CWC15: variants seen among roughly 807,000 people sequenced by gnomAD.
CWC15 encodes the protein spliceosome-associated protein CWC15 homolog.
A neutral mutation model predicts 28.4 loss-of-function variants in CWC15; 12 were observed. That is an observed-to-expected ratio of 0.42 (90% CI 0.27 to 0.69). The LOEUF (loss-of-function observed/expected upper bound fraction) is 0.69. Among genes scored for constraint, CWC15 ranks in the 30% least tolerant of loss-of-function variants. The probability of loss-of-function intolerance (pLI) is 0.23; values close to 1 mark genes in which losing one functional copy is unlikely to be tolerated. For synonymous variants in CWC15, 92 were observed against 88.4 expected, an observed-to-expected ratio of 1.04 and a Z score of -0.23; for missense variants, 192 against 271.5, an observed-to-expected ratio of 0.71 and a Z score of 2.06.
intron 5 of CWC15, among the ~76,000 whole-genome samples, chr11:94,969,336 C>T (rs1275569916): frequency 6.6e-6 from 1 of 152,046 alleles, no homozygotes; most frequent in Non-Finnish European, 1.5e-5. Context: ...TTCTAAAATG[C>T]GTATCCAGTT....
intron 5 of CWC15, among the ~76,000 whole-genome samples, 168 bp downstream of exon 5, chr11:94,969,821 A>G (rs1857694186): frequency 6.6e-6 from 1 of 152,228 alleles, no homozygotes; most frequent in Non-Finnish European, 1.5e-5. Context: ...CATAACCAGG[A>G]TACCTAGGAT....
At chr11:94,972,802 T>A (rs1439593464) in intron 1 of CWC15, among the ~76,000 whole-genome samples, 3 of 152,124 alleles carry the variant, frequency 2.0e-5, no homozygotes, top group African/African-American at 7.2e-5. Flanking sequence ...GAGCCAATTT[T>A]CTCCTACAAC....
intron 6 of CWC15, among the ~76,000 whole-genome samples, chr11:94,964,939 A>G (rs1258557863): frequency 6.6e-6 from 1 of 152,268 alleles, no homozygotes; most frequent in African/African-American, 2.4e-5. Flanking sequence ...ATCTGAGCTG[A>G]TAACTTCCAA....
chr11:94,972,318 C>G (rs1361587344), intron 1 of CWC15, 125 bp from the exon 2 acceptor site: 2 of 940,558 alleles, frequency 2.1e-6, no homozygotes, highest in Non-Finnish European at 3.1e-6. Flanking sequence ...GCTTAATCTT[C>G]TTAAACAAAA....
At chr11:94,966,504 T>G in intron 5 of CWC15, 91 bp from the exon 6 acceptor site, 1 of 748,782 alleles carries the variant, frequency 1.3e-6, no homozygotes, top group Non-Finnish European at 2.1e-6. Flanking sequence ...AAAACAAAAC[T>G]GATCATTAGG....
At chr11:94,969,745 A>G (rs1366673304) in intron 5 of CWC15, among the ~76,000 whole-genome samples, 1 of 152,234 alleles carries the variant, frequency 6.6e-6, no homozygotes, top group Admixed American at 6.5e-5. Context: ...TGAATAAACA[A>G]GTAAATGACT....
At chr11:94,970,861 G>T in intron 4 of CWC15, 116 bp downstream of exon 4, 1 of 870,362 alleles carries the variant, frequency 1.1e-6, no homozygotes, top group Non-Finnish European at 1.9e-6. Flanking sequence ...GGCTATATTT[G>T]AATAACAGTA....
At chr11:94,971,221 TTTG>T in intron 3 of CWC15, 151 bp downstream of exon 3, 1 of 932,200 alleles carries the variant, frequency 1.1e-6, no homozygotes, top group South Asian at 1.5e-5. Context: ...TTGGTAAATA[TTTG>T]TTGTTATTAT....
intron 4 of CWC15, chr11:94,970,297 CATT>C (rs1219112829): frequency 7.4e-6 from 3 of 405,164 alleles, no homozygotes; most frequent in African/African-American, 6.2e-5. Flanking sequence ...AATGAATAAT[CATT>C]AAATTTCAGT....
intron 5 of CWC15, among the ~76,000 whole-genome samples, chr11:94,968,244 G>A (rs889560280): frequency 1.3e-5 from 2 of 152,182 alleles, no homozygotes; most frequent in African/African-American, 2.4e-5. Flanking sequence ...TGACCAGCCA[G>A]CCTAAAATAT....
At chr11:94,970,247 G>T in intron 4 of CWC15, 151 bp from the exon 5 acceptor site, 1 of 411,992 alleles carries the variant, frequency 2.4e-6, no homozygotes, top group Non-Finnish European at 4.3e-6. Flanking sequence ...ACTCAAAAGT[G>T]CAAAAAAGTG....
rs1319567424 is a variant in CWC15 at position 94,966,285 on chromosome 11, T to C, written c.560+10A>G. 6.4e-6 allele frequency: 9 copies of C among 1,406,250 alleles called. No individual in the cohort carries two copies. Among genetic ancestry groups the C allele is most frequent in the Non-Finnish European group, 8.9e-6 (9 of 1,014,970 alleles). The allele number at this position is 1,406,250 out of a possible 1,614,324, so 87.1% of individuals were successfully genotyped here. A position where few individuals can be genotyped will look rare whatever the true frequency, so the allele number is the denominator to read the frequency against. ...CACACACACTCCATTACTCCGTTAC[T>C]GTATAGTACCTTCTTTTAACTTTGA... On this transcript the variant is annotated intron_variant, in intron 6 of 6. Coordinates refer to ENST00000279839, the MANE Select transcript of CWC15 (RefSeq NM_016403.4).
At chr11:94,963,825 TAGAA>T (rs782152252) in intron 6 of CWC15, among the ~76,000 whole-genome samples, 9 of 152,160 alleles carry the variant, frequency 5.9e-5, no homozygotes, top group Non-Finnish European at 1.2e-4. Context: ...TTAGGTCTAA[TAGAA>T]AGAAGCAGCA....
chr11:94,973,008 C>G (rs587636287), intron 1 of CWC15, among the ~76,000 whole-genome samples: 93 of 118,342 alleles, frequency 7.9e-4, no homozygotes, highest in African/African-American at 3.0e-3. Context: ...GTCGGAAAAG[C>G]AAGTGTGTGG....
chr11:94,963,324 TAAAA>T lies in CWC15; in HGVS notation c.*57_*60del, dbSNP rs36022887. On this transcript the variant is annotated 3_prime_UTR_variant, in exon 7 of 7. Transcript: ENST00000279839. Reference sequence around the variant, plus strand: ...CAGGGGAAAAGAAAAAAAAAACTCATAAAAAAAGTCAGAATGATCCTTTACGTTT... The same window carrying T: ...CAGGGGAAAAGAAAAAAAAAACTCATAAAGTCAGAATGATCCTTTACGTTT... 2.2e-5 allele frequency: 29 copies of T among 1,341,436 alleles called. No individual in the cohort carries two copies. Among genetic ancestry groups the T allele is most frequent in the Non-Finnish European group, 2.6e-5 (26 of 1,015,620 alleles). 83.1% of individuals were successfully genotyped at this position (1,341,436 alleles called of 1,614,324 possible).
chr11:94,965,739 T>C (rs1857631032), intron 6 of CWC15, among the ~76,000 whole-genome samples: 1 of 152,198 alleles, frequency 6.6e-6, no homozygotes, highest in Admixed American at 6.5e-5. Context: ...ACTGCACACG[T>C]TGCTGCACTG....
intron 6 of CWC15, among the ~76,000 whole-genome samples, chr11:94,965,826 C>T (rs1277102970): frequency 6.6e-6 from 1 of 152,160 alleles, no homozygotes; most frequent in African/African-American, 2.4e-5. Context: ...CACATGGATT[C>T]CTCTATTCTC....
intron 5 of CWC15, among the ~76,000 whole-genome samples, chr11:94,967,724 G>A (rs1317142289): frequency 2.0e-5 from 3 of 152,134 alleles, no homozygotes; most frequent in African/African-American, 7.2e-5. Context: ...AAAATGGGAG[G>A]TGAAAAGATC....
At chr11:94,964,704 A>G (rs1857614495) in intron 6 of CWC15, among the ~76,000 whole-genome samples, 1 of 152,016 alleles carries the variant, frequency 6.6e-6, no homozygotes, top group Non-Finnish European at 1.5e-5. Flanking sequence ...TCCCTTCCCA[A>G]CTGGCTGCTC....
Sources: allele counts gnomAD v4.1 joint callset (sites outside exome capture counted in the v4.1 genomes callset), GRCh38; gene constraint gnomAD v4.1.1; transcripts MANE v1.5; gene names NCBI Gene and HGNC (gene_info 2026-07-23, HGNC 2026-07-21).